CSMD1: variants seen among roughly 807,000 people sequenced by gnomAD.
CSMD1 encodes CUB and sushi domain-containing protein 1.
Under a neutral mutation model 417.5 loss-of-function variants are expected in CSMD1, and 213 were observed. The observed-to-expected ratio is 0.51, with a 90% confidence interval of 0.46 to 0.57. The LOEUF (loss-of-function observed/expected upper bound fraction) is 0.57, where lower values mean the gene tolerates loss of function less well. CSMD1 is among the 20% of genes least tolerant of loss of function. The pLI is 0.00. For synonymous variants in CSMD1, 2,862 were observed against 1,736.8 expected (o/e 1.65, Z -16.11); for missense variants, 6,923 against 4,529.7 (o/e 1.53, Z -15.17).
chr8:3,574,432 GA>G (rs1800063656), intron 10 of CSMD1, among the ~76,000 whole-genome samples: 1 of 152,106 alleles, frequency 6.6e-6, no homozygotes, highest in South Asian at 2.1e-4. Flanking sequence ...TTTTAGTAGA[GA>G]TGGGGTTTCA....
In CSMD1 at chr8:4,005,961, A is replaced by G. The variant is rs575831209; in HGVS notation, c.611-7851T>C. 3.9e-4 allele frequency among the ~76,000 whole-genome samples: 59 copies of G among 152,210 alleles called. 1 individual carries two copies. The highest frequency in any genetic ancestry group is 7.1e-4 in the Non-Finnish European group (48 of 68,046). On this transcript the variant is annotated intron_variant, in intron 4 of 69. Transcript: ENST00000635120. ...ATGTTAATTAATTTATTCATTCAAT[A>G]CATACGAAAACTAATTCTCTACTAG...
At chr8:3,735,581 C>T (rs753290331) in intron 6 of CSMD1, among the ~76,000 whole-genome samples, 16 of 152,208 alleles carry the variant, frequency 1.1e-4, no homozygotes, top group Non-Finnish European at 1.6e-4. Context: ...TGACTTGCTT[C>T]AGTGTCTGAC....
chr8:4,521,662 T>C (rs1427375719), intron 2 of CSMD1, among the ~76,000 whole-genome samples: 1 of 152,210 alleles, frequency 6.6e-6, no homozygotes, highest in African/African-American at 2.4e-5. Flanking sequence ...CCTCAGGTCC[T>C]ATTGCGAAGA....
intron 1 of CSMD1, among the ~76,000 whole-genome samples, chr8:4,647,310 A>T (rs1803579814): frequency 6.6e-6 from 1 of 150,806 alleles, no homozygotes; most frequent in Non-Finnish European, 1.5e-5. Flanking sequence ...TTTGTTACAT[A>T]GGTATACATG....
chr8:3,910,768 C>T (rs539208877), intron 5 of CSMD1, among the ~76,000 whole-genome samples: 3 of 152,272 alleles, frequency 2.0e-5, no homozygotes, highest in South Asian at 2.1e-4. Context: ...ATTGTAGTGC[C>T]TTCTCTCCAG....
intron 5 of CSMD1, among the ~76,000 whole-genome samples, chr8:3,768,688 C>G (rs1331963019): frequency 2.0e-5 from 3 of 152,198 alleles, no homozygotes; most frequent in African/African-American, 4.8e-5. Context: ...TTGCTCCTTT[C>G]CAGCCAGTCT....
intron 3 of CSMD1, among the ~76,000 whole-genome samples, chr8:4,122,788 T>G (rs1802559124): frequency 6.6e-6 from 1 of 152,002 alleles, no homozygotes; most frequent in African/African-American, 2.4e-5. Flanking sequence ...GTCACTGTCT[T>G]CCATCAAAAA....
intron 26 of CSMD1, among the ~76,000 whole-genome samples, chr8:3,252,554 T>C (rs1475215604): frequency 1.3e-5 from 2 of 152,220 alleles, no homozygotes; most frequent in Admixed American, 1.3e-4. Context: ...CAGGCTTTGG[T>C]ATCAGGATGA....
rs1811941816 is a variant in CSMD1, at chr8:3,052,732, T to G, written c.7475-85A>C. On this transcript the variant is annotated intron_variant, in intron 49 of 69. Transcript: ENST00000635120. ...AAACCATTGATTGATTAATCATTAT[T>G]ATTGACTCCATTTTTCATTAAAATT... 6.6e-6 allele frequency: 6 copies of G among 911,286 alleles called. No individual in the cohort carries two copies. In the South Asian group the frequency reaches 1.4e-4, roughly 21 times the overall value. The allele number at this position is 911,286 out of a possible 1,614,324, so 56.5% of individuals were successfully genotyped here. A position where few individuals can be genotyped will look rare whatever the true frequency, so the allele number is the denominator to read the frequency against.
At chr8:4,298,898 T>A (rs1797829942) in intron 3 of CSMD1, among the ~76,000 whole-genome samples, 1 of 152,074 alleles carries the variant, frequency 6.6e-6, no homozygotes, top group South Asian at 2.1e-4. Flanking sequence ...AAATTTTACA[T>A]CATATATATG....
intron 7 of CSMD1, among the ~76,000 whole-genome samples, chr8:3,661,508 C>CT (rs1168660936): frequency 2.7e-5 from 4 of 149,864 alleles, no homozygotes; most frequent in Admixed American, 2.0e-4. Context: ...ATTTTTTTTT[C>CT]TTTTTTGAGA....
chr8:4,356,976 T>C (rs954004013), intron 3 of CSMD1, among the ~76,000 whole-genome samples: 1 of 152,234 alleles, frequency 6.6e-6, no homozygotes, highest in Non-Finnish European at 1.5e-5. Flanking sequence ...TTTGCAGCTA[T>C]GTGAATATGT....
intron 1 of CSMD1, among the ~76,000 whole-genome samples, chr8:4,825,264 A>G (rs1799759209): frequency 6.6e-6 from 1 of 152,104 alleles, no homozygotes; most frequent in East Asian, 1.9e-4. Flanking sequence ...GCATACACCC[A>G]TGACACAATC....
chr8:4,850,805 C>T (rs1438861739), intron 1 of CSMD1, among the ~76,000 whole-genome samples: 3 of 151,996 alleles, frequency 2.0e-5, no homozygotes, highest in Middle Eastern at 3.2e-3. Context: ...ACCCAAACTG[C>T]CCTCAAAAAT....
intron 59 of CSMD1, among the ~76,000 whole-genome samples, chr8:2,963,801 A>T (rs1803708884): frequency 6.6e-6 from 1 of 152,150 alleles, no homozygotes; most frequent in Admixed American, 6.5e-5. Flanking sequence ...GGCCATCTGT[A>T]TTTTTTATTT....
At chr8:4,354,728 T>A (rs1361769929) in intron 3 of CSMD1, among the ~76,000 whole-genome samples, 1 of 152,134 alleles carries the variant, frequency 6.6e-6, no homozygotes. Context: ...GTATTTATAA[T>A]GTAAGTGATG....
chr8:3,030,364 A>C (rs1048862210), intron 50 of CSMD1, among the ~76,000 whole-genome samples: 1 of 152,072 alleles, frequency 6.6e-6, no homozygotes, highest in Non-Finnish European at 1.5e-5. Flanking sequence ...CATTCATTAA[A>C]ATCAACCACC....
At chr8:3,263,454 A>C (rs971440375) in intron 26 of CSMD1, among the ~76,000 whole-genome samples, 3 of 152,158 alleles carry the variant, frequency 2.0e-5, no homozygotes, top group Non-Finnish European at 4.4e-5. Context: ...ATATGGATAC[A>C]TTGGGTCTTT....
At chr8:3,036,508 G>C (rs1810682736) in intron 50 of CSMD1, among the ~76,000 whole-genome samples, 1 of 152,056 alleles carries the variant, frequency 6.6e-6, no homozygotes. Flanking sequence ...GATGTCATTG[G>C]AGTAAACTGA....
Sources: gnomAD v4.1 joint callset for allele counts (sites outside exome capture counted in the v4.1 genomes callset) on GRCh38, gnomAD v4.1.1 for gene constraint, MANE v1.5 for transcripts, NCBI Gene and HGNC (gene_info 2026-07-23, HGNC 2026-07-21) for gene names.